Variants in WASHC2A observed in about 807,000 individuals in gnomAD.
The protein encoded by WASHC2A is WASH complex subunit FAM21A.
A neutral mutation model predicts 140.3 loss-of-function variants in WASHC2A; 82 were observed. The observed-to-expected ratio is 0.58, with a 90% confidence interval of 0.49 to 0.70. The LOEUF is 0.70. WASHC2A is among the 30% of genes least tolerant of loss of function. The pLI, the probability that WASHC2A is intolerant of heterozygous loss-of-function variation, is 0.00. For missense variants in WASHC2A, 985 were observed against 1,521.8 expected (o/e 0.65, Z 5.87); for synonymous variants, 340 against 560.8 (o/e 0.61, Z 5.56).
intron 5 of WASHC2A, among the ~76,000 whole-genome samples, chr10:50,081,603 G>A (rs1395215057): frequency 6.9e-6 from 1 of 144,562 alleles, no homozygotes; most frequent in Non-Finnish European, 1.5e-5. Context: ...TGACACACAA[G>A]GCCTTCCGAA....
In WASHC2A at chr10:50,129,579, T is replaced by C; in HGVS notation, c.3248T>C (p.Leu1083Pro). Residue 1083 changes from leucine to proline, a missense_variant, in exon 29 of 31, where the codon CTC (leucine) becomes CCC (proline). Coordinates refer to ENST00000282633, the MANE Select transcript of WASHC2A (RefSeq NM_001005751.3). ...AISPNGHRPQ[L>P]RAASGEDSTE... ...TCCCCAAATGGCCATCGGCCACAGCTCAGAGCAGCCAGTGGAGAAGACAGC... is the reference window on the plus strand; with the variant it reads ...TCCCCAAATGGCCATCGGCCACAGCCCAGAGCAGCCAGTGGAGAAGACAGC... 1.9e-6 allele frequency: 3 copies of C among 1,611,968 alleles called. No homozygotes were observed. The highest frequency in any genetic ancestry group is 2.5e-6 in the Non-Finnish European group (3 of 1,179,832).
intron 20 of WASHC2A, chr10:50,112,410 T>G (rs1842364128): frequency 4.3e-6 from 1 of 231,214 alleles, no homozygotes; most frequent in Non-Finnish European, 6.5e-6. Context: ...GAAGTTGAGG[T>G]GAGGATGTGG....
At chr10:50,108,889 GAA>G (rs1182148936) in intron 19 of WASHC2A, among the ~76,000 whole-genome samples, 1,034 of 75,628 alleles carry the variant, frequency 0.014, 17 homozygotes, top group African/African-American at 0.051. Context: ...CTCGAAAAAG[GAA>G]AAAAAAAAAA....
At chr10:50,090,055 A>C (rs2132534389) in intron 8 of WASHC2A, among the ~76,000 whole-genome samples, 1 of 151,830 alleles carries the variant, frequency 6.6e-6, no homozygotes, top group Admixed American at 6.6e-5. Context: ...GGTTGCAGTG[A>C]GCCGAGATCA....
At chr10:50,128,908 G>A (rs1310634882) in intron 28 of WASHC2A, among the ~76,000 whole-genome samples, 1 of 151,344 alleles carries the variant, frequency 6.6e-6, no homozygotes, top group Non-Finnish European at 1.5e-5. Context: ...AATGTTTATT[G>A]ACTTGAAGAA....
At position 50,091,521 on chromosome 10, in the gene WASHC2A, G is replaced by A; in HGVS notation, c.931+3G>A. On this transcript the variant is annotated splice_donor_region_variant and intron_variant, in intron 10 of 30. Coordinates refer to ENST00000282633, the MANE Select transcript of WASHC2A (RefSeq NM_001005751.3). ...TCGAGTGGACGAGGAGCCGACAAGTGAGCCCCAGCCGCGTTGATGGGGAGT... is the reference window on the plus strand; with the variant it reads ...TCGAGTGGACGAGGAGCCGACAAGTAAGCCCCAGCCGCGTTGATGGGGAGT... The A allele has an allele frequency of 6.5e-7, 1 of 1,549,664 alleles. No homozygotes were observed. Among genetic ancestry groups the A allele is most frequent in the Non-Finnish European group, 8.7e-7 (1 of 1,146,864 alleles).
At chr10:50,072,894 C>T (rs1250506676) in intron 3 of WASHC2A, among the ~76,000 whole-genome samples, 4 of 152,178 alleles carry the variant, frequency 2.6e-5, no homozygotes, top group African/African-American at 4.8e-5. Context: ...TTATCAGAAA[C>T]ATTCAAAGTC....
intron 8 of WASHC2A, among the ~76,000 whole-genome samples, chr10:50,090,515 A>AAAAAAAAATAT (rs1214596899): frequency 9.2e-6 from 1 of 108,766 alleles, no homozygotes; most frequent in African/African-American, 3.3e-5. Context: ...AAAAAAAAAA[A>AAAAAAAAATAT]ATATATATAT....
chr10:50,121,391 CTTTCT>C (rs1378591723), intron 23 of WASHC2A, among the ~76,000 whole-genome samples: 2 of 136,048 alleles, frequency 1.5e-5, no homozygotes, highest in East Asian at 2.4e-4. Context: ...CTACTAGTAA[CTTTCT>C]TTTTTTTTTT....
In WASHC2A at chr10:50,127,657, G is replaced by T; in HGVS notation, c.2949G>T (p.Leu983Phe). The T allele has an allele frequency of 6.2e-7, 1 of 1,603,266 alleles. No individual in the cohort carries two copies. The change falls in exon 28 of 31, where the codon TTG (leucine) becomes TTT (phenylalanine). Residue 983 changes from leucine to phenylalanine, a missense_variant. By Grantham distance (22) the Leu-to-Phe change is conservative. Coordinates refer to ENST00000282633, the MANE Select transcript of WASHC2A (RefSeq NM_001005751.3). ...AGATCTCTGAAGTAAAGCCTGTTTTGCCAGAATTGGCTTTTCCTTCATCTG... is the reference window on the plus strand; with the variant it reads ...AGATCTCTGAAGTAAAGCCTGTTTTTCCAGAATTGGCTTTTCCTTCATCTG... ...ASQISEVKPV[L>F]PELAFPSSEH...
rs1839957577 is a variant in WASHC2A, at chr10:50,091,832, A to C, written c.931+314A>C. Reference sequence around the variant, plus strand: ...CTTAAGAATTCCTGGCTGAATATTTACTCCTATATTTTGAACACGTAAGAA... The same window carrying C: ...CTTAAGAATTCCTGGCTGAATATTTCCTCCTATATTTTGAACACGTAAGAA... On this transcript the variant is annotated intron_variant, in intron 10 of 30. Transcript: ENST00000282633. 2.0e-5 allele frequency among the ~76,000 whole-genome samples: 3 copies of C among 152,104 alleles called. No individual in the cohort carries two copies. In the South Asian group the frequency reaches 6.2e-4, roughly 32 times the overall value.
intron 18 of WASHC2A, among the ~76,000 whole-genome samples, chr10:50,105,708 T>G (rs1443245625): frequency 6.7e-6 from 1 of 149,294 alleles, no homozygotes; most frequent in East Asian, 2.0e-4. Context: ...TTAATAAATA[T>G]AACTTTTGGG....
At chr10:50,107,712 G>A (rs1841926353) in intron 19 of WASHC2A, among the ~76,000 whole-genome samples, 1 of 151,038 alleles carries the variant, frequency 6.6e-6, no homozygotes, top group Non-Finnish European at 1.5e-5. Flanking sequence ...ACTTGAGGTT[G>A]GGAGTTCGAG....
intron 28 of WASHC2A, among the ~76,000 whole-genome samples, chr10:50,128,444 A>G (rs946051798): frequency 1.3e-5 from 2 of 152,150 alleles, no homozygotes; most frequent in Non-Finnish European, 1.5e-5. Context: ...GATCTCCTCA[A>G]TGGACTGTGA....
At chr10:50,098,729 CT>C (rs531541628) in intron 16 of WASHC2A, among the ~76,000 whole-genome samples, 154 of 130,598 alleles carry the variant, frequency 1.2e-3, no homozygotes, top group African/African-American at 1.3e-3. Context: ...CCTCCCACAT[CT>C]TTTTTTTTTT....
At chr10:50,075,241 T>C (rs1350062001) in intron 3 of WASHC2A, among the ~76,000 whole-genome samples, 1 of 151,282 alleles carries the variant, frequency 6.6e-6, no homozygotes, top group Non-Finnish European at 1.5e-5. Flanking sequence ...AAATGTTTCA[T>C]AAATAAATAG....
intron 18 of WASHC2A, among the ~76,000 whole-genome samples, chr10:50,104,752 A>G (rs1454105658): frequency 3.3e-5 from 5 of 150,610 alleles, no homozygotes; most frequent in Non-Finnish European, 7.4e-5. Flanking sequence ...TGTGGAGGTT[A>G]TTTTGACTTC....
chr10:50,111,834 C>T (rs1842313596), intron 20 of WASHC2A, among the ~76,000 whole-genome samples: 1 of 152,096 alleles, frequency 6.6e-6, no homozygotes, highest in Non-Finnish European at 1.5e-5. Flanking sequence ...TGAAGAACAG[C>T]CTGACCAACA....
chr10:50,075,983 C>T (rs1359088692), intron 3 of WASHC2A, among the ~76,000 whole-genome samples: 5 of 151,536 alleles, frequency 3.3e-5, no homozygotes, highest in South Asian at 2.1e-4. Flanking sequence ...TGTGCAATCT[C>T]GGCTCACTGC....
Sources: gnomAD v4.1 joint callset for allele counts (sites outside exome capture counted in the v4.1 genomes callset) on GRCh38, gnomAD v4.1.1 for gene constraint, MANE v1.5 for transcripts, NCBI Gene and HGNC (gene_info 2026-07-23, HGNC 2026-07-21) for gene names.